MOGAT1: variants seen among roughly 807,000 people sequenced by gnomAD.
The protein encoded by MOGAT1 is monoacylglycerol O-acyltransferase 1.
In MOGAT1, 32 loss-of-function variants were observed where a neutral mutation model predicts 31.4. The observed-to-expected ratio is 1.02, with a 90% CI of 0.77 to 1.37. The LOEUF (loss-of-function observed/expected upper bound fraction) is 1.37. Ranked by LOEUF, MOGAT1 falls within the 40% of genes most tolerant of loss-of-function variation. The pLI is 0.00. For synonymous variants in MOGAT1, 145 were observed against 144.5 expected (o/e 1.00, Z -0.03); for missense variants, 426 against 402.0 (o/e 1.06, Z -0.51).
intron 1 of MOGAT1, among the ~76,000 whole-genome samples, chr2:222,681,020 T>C (rs1692572749): frequency 6.6e-6 from 1 of 152,158 alleles, no homozygotes; most frequent in African/African-American, 2.4e-5. Flanking sequence ...CATTAATGTA[T>C]GGGAATTGTC....
chr2:222,693,906 A>C (rs1489536461), intron 3 of MOGAT1, among the ~76,000 whole-genome samples: 6 of 152,210 alleles, frequency 3.9e-5, no homozygotes, highest in Non-Finnish European at 5.9e-5. Context: ...AGGCCATTAT[A>C]TATTCAGAAA....
chr2:222,678,771 C>A (rs749008901), intron 1 of MOGAT1, among the ~76,000 whole-genome samples: 2 of 152,042 alleles, frequency 1.3e-5, no homozygotes, highest in Non-Finnish European at 2.9e-5. Flanking sequence ...GGACACCCTG[C>A]CTCTACTAAA....
intron 3 of MOGAT1, among the ~76,000 whole-genome samples, chr2:222,693,956 G>A (rs11685623): frequency 0.076 from 11,601 of 152,236 alleles, 500 homozygotes; most frequent in Middle Eastern, 0.11. Flanking sequence ...TTTTGGTTCT[G>A]TGTAAAAATT....
chr2:222,704,708 A>G (rs1485260322), intron 5 of MOGAT1, among the ~76,000 whole-genome samples: 1 of 152,106 alleles, frequency 6.6e-6, no homozygotes, highest in Non-Finnish European at 1.5e-5. Context: ...GACCCTCACA[A>G]CACTGGAGTT....
intron 5 of MOGAT1, chr2:222,699,043 C>T (rs181640370): frequency 4.2e-5 from 6 of 141,972 alleles, no homozygotes; most frequent in East Asian, 4.4e-4. Flanking sequence ...GTCACTCTGT[C>T]GCCAGGCTGG....
At chr2:222,695,480 G>A (rs1035778614) in intron 5 of MOGAT1, among the ~76,000 whole-genome samples, 192 bp downstream of exon 5, 6 of 152,106 alleles carry the variant, frequency 3.9e-5, no homozygotes, top group Admixed American at 3.9e-4. Context: ...ACTAGAATAG[G>A]AATTGATTAC....
chr2:222,681,002 G>T (rs1692572504), intron 1 of MOGAT1, among the ~76,000 whole-genome samples: 1 of 152,176 alleles, frequency 6.6e-6, no homozygotes, highest in Admixed American at 6.5e-5. Flanking sequence ...CGACAAGAGA[G>T]GGAAAATCAT....
intron 3 of MOGAT1, among the ~76,000 whole-genome samples, chr2:222,691,439 C>T (rs1306947507): frequency 2.6e-5 from 4 of 152,142 alleles, no homozygotes; most frequent in African/African-American, 2.4e-5. Context: ...GAACTCCTGA[C>T]CTCAGGTGAT....
chr2:222,700,698 GT>G (rs1692906365), intron 5 of MOGAT1, among the ~76,000 whole-genome samples: 1 of 152,146 alleles, frequency 6.6e-6, no homozygotes, highest in South Asian at 2.1e-4. Flanking sequence ...AAAAACACAA[GT>G]GGAGGATAGA....
intron 3 of MOGAT1, among the ~76,000 whole-genome samples, chr2:222,690,724 C>G (rs1195209512): frequency 6.6e-6 from 1 of 152,132 alleles, no homozygotes; most frequent in Non-Finnish European, 1.5e-5. Context: ...AAAGTCCAGC[C>G]TGGTCCCGAG....
chr2:222,705,409 G>A (rs781565708), intron 5 of MOGAT1, among the ~76,000 whole-genome samples: 2 of 152,184 alleles, frequency 1.3e-5, no homozygotes, highest in African/African-American at 2.4e-5. Context: ...TGATTCCAGT[G>A]CCTCCGACAA....
At chr2:222,693,456 T>G (rs936224390) in intron 3 of MOGAT1, among the ~76,000 whole-genome samples, 12 of 151,536 alleles carry the variant, frequency 7.9e-5, no homozygotes, top group African/African-American at 1.5e-4. Context: ...TTGTTTTTTT[T>G]TTTTTTTTTT....
At chr2:222,696,480 G>A (rs953766985) in intron 5 of MOGAT1, among the ~76,000 whole-genome samples, 5 of 152,086 alleles carry the variant, frequency 3.3e-5, no homozygotes, top group Non-Finnish European at 7.4e-5. Context: ...AGGTGGTATC[G>A]CATTATGATT....
Position 222,689,487 on chromosome 2 carries a change from ACT to A in MOGAT1, c.478+19_478+20del. On this transcript the variant is annotated intron_variant, in intron 3 of 5. Transcript: ENST00000446656. ...GAGTGTTGGTAAGTGATGGCAGATC[ACT>A]GTTTCCACAGTGCTTTGGGGTAGCA... The A allele has an allele frequency of 2.5e-6, 4 of 1,609,242 alleles. No individual in the cohort carries two copies. Among genetic ancestry groups the A allele is most frequent in the Non-Finnish European group, 3.4e-6 (4 of 1,175,568 alleles).
chr2:222,692,712 T>A, intron 3 of MOGAT1, among the ~76,000 whole-genome samples: 1 of 152,024 alleles, frequency 6.6e-6, no homozygotes, highest in East Asian at 1.9e-4. Flanking sequence ...TCCATGGGTG[T>A]AGATGAGGTT....
chr2:222,671,854 G>C lies in MOGAT1; in HGVS notation c.69G>C (p.Gln23His). 1 of 1,552,196 alleles carries C rather than the reference G, an allele frequency of 6.4e-7. No individual in the cohort carries two copies. The highest frequency in any genetic ancestry group is 8.7e-7 in the Non-Finnish European group (1 of 1,147,574). Reference sequence around the variant, plus strand: ...GGCTGCAGACGGTGGCCGTGCTGCAGTGGGTCCTGAAATACCTGCTGCTCG... The same window carrying C: ...GGCTGCAGACGGTGGCCGTGCTGCACTGGGTCCTGAAATACCTGCTGCTCG... ...ARRLQTVAVL[Q>H]WVLKYLLLGP... Residue 23 changes from glutamine (Q) to histidine (H), a missense_variant, in exon 1 of 6, where the codon CAG (glutamine) becomes CAC (histidine). By Grantham distance (24) the Gln-to-His change is conservative. Transcript: ENST00000446656.
chr2:222,682,860 C>T (rs1208199527), intron 1 of MOGAT1, among the ~76,000 whole-genome samples: 2 of 152,202 alleles, frequency 1.3e-5, no homozygotes, highest in African/African-American at 4.8e-5. Context: ...CAAAAGGTCA[C>T]ATATTATACC....
chr2:222,672,943 C>T (rs1424666399), intron 1 of MOGAT1, among the ~76,000 whole-genome samples: 1 of 140,834 alleles, frequency 7.1e-6, no homozygotes, highest in Non-Finnish European at 1.5e-5. Flanking sequence ...GACGGAGTTT[C>T]ACTCTTGTTG....
intron 1 of MOGAT1, among the ~76,000 whole-genome samples, chr2:222,685,749 C>T (rs1187462087): frequency 4.0e-5 from 6 of 151,604 alleles, no homozygotes; most frequent in Non-Finnish European, 7.4e-5. Context: ...TACAGGCACC[C>T]ACCACCACAC....
Sources: gnomAD v4.1 joint callset for allele counts (sites outside exome capture counted in the v4.1 genomes callset) on GRCh38, gnomAD v4.1.1 for gene constraint, MANE v1.5 for transcripts, NCBI Gene and HGNC (gene_info 2026-07-23, HGNC 2026-07-21) for gene names.